The following NCAM1 variants were observed in gnomAD, a reference collection of about 807,000 sequenced individuals.
NCAM1 encodes neural cell adhesion molecule 1, also known as antigen recognized by monoclonal antibody 5.1H11.
In NCAM1, 14 loss-of-function variants were observed where a neutral mutation model predicts 109.8. The ratio of observed to expected loss-of-function variants is 0.13; its 90% confidence interval spans 0.08 to 0.20. NCAM1 has a LOEUF of 0.20. Among genes scored for constraint, NCAM1 ranks in the 10% least tolerant of loss-of-function variants. The pLI, the probability that NCAM1 is intolerant of heterozygous loss-of-function variation, is 1.00. For synonymous variants in NCAM1, 418 were observed against 442.9 expected (o/e 0.94, Z 0.70); for missense variants, 774 against 1,109.9 (o/e 0.70, Z 4.30).
chr11:113,195,455 CCACA>C (rs10642528), intron 1 of NCAM1, among the ~76,000 whole-genome samples: 72 of 141,570 alleles, frequency 5.1e-4, no homozygotes, highest in African/African-American at 1.4e-3. Flanking sequence ...TAAATACACA[CCACA>C]CACACACACA....
At chr11:113,078,303 C>A (rs80263692) in intron 1 of NCAM1, among the ~76,000 whole-genome samples, 1 of 152,052 alleles carries the variant, frequency 6.6e-6, no homozygotes, top group African/African-American at 2.4e-5. Flanking sequence ...TTTAAGGACA[C>A]GAGTCATTGG....
chr11:112,961,478 T>C lies in NCAM1; in HGVS notation c.-135T>C, dbSNP rs1950552093. Reference sequence around the variant, plus strand: ...GGCTGCCGCTGGCAGGAAACAATTCTGCAAAAATAATCATACTCAGCCTGG... The same window carrying C: ...GGCTGCCGCTGGCAGGAAACAATTCCGCAAAAATAATCATACTCAGCCTGG... On this transcript the variant is annotated 5_prime_UTR_variant, in exon 1 of 20. Transcript: ENST00000316851. The C allele has an allele frequency of 1.3e-6, 1 of 789,392 alleles. No homozygotes were observed. Among genetic ancestry groups the C allele is most frequent in the Non-Finnish European group, 2.3e-6 (1 of 427,448 alleles). 48.9% of individuals were successfully genotyped at this position (789,392 alleles called of 1,614,324 possible).
At chr11:113,084,012 A>G (rs1261052181) in intron 1 of NCAM1, among the ~76,000 whole-genome samples, 1 of 152,246 alleles carries the variant, frequency 6.6e-6, no homozygotes, top group Non-Finnish European at 1.5e-5. Flanking sequence ...CTCCAAGTCA[A>G]GGAAATACAT....
chr11:113,088,835 T>C (rs1353615015), intron 1 of NCAM1, among the ~76,000 whole-genome samples: 1 of 152,230 alleles, frequency 6.6e-6, no homozygotes, highest in African/African-American at 2.4e-5. Flanking sequence ...AAGTAGATTA[T>C]ATCTTTAGTG....
At chr11:113,042,592 C>T (rs1757125012) in intron 1 of NCAM1, among the ~76,000 whole-genome samples, 1 of 152,206 alleles carries the variant, frequency 6.6e-6, no homozygotes, top group South Asian at 2.1e-4. Context: ...TGCACTGCAG[C>T]CCACACTTCC....
At chr11:113,201,840 C>T (rs1460174172) in intron 1 of NCAM1, among the ~76,000 whole-genome samples, 1 of 152,298 alleles carries the variant, frequency 6.6e-6, no homozygotes, top group East Asian at 1.9e-4. Context: ...CCCTTACCAT[C>T]CCCACTTCAA....
intron 1 of NCAM1, among the ~76,000 whole-genome samples, chr11:113,121,078 A>G (rs1555095930): frequency 6.6e-6 from 1 of 152,122 alleles, no homozygotes. Flanking sequence ...TTAGGGGTCC[A>G]GTTTCTGGGT....
chr11:113,059,839 A>G (rs782340147), intron 1 of NCAM1, among the ~76,000 whole-genome samples: 1 of 152,156 alleles, frequency 6.6e-6, no homozygotes, highest in Non-Finnish European at 1.5e-5. Context: ...ATGGAGAAAA[A>G]GCTTGATTTT....
chr11:112,972,475 A>G (rs988193559), intron 1 of NCAM1, among the ~76,000 whole-genome samples: 27 of 152,172 alleles, frequency 1.8e-4, no homozygotes, highest in African/African-American at 7.2e-5. Flanking sequence ...AGCCTAGGTT[A>G]GAAAAGTATA....
intron 1 of NCAM1, among the ~76,000 whole-genome samples, chr11:113,023,373 T>A (rs1410490836): frequency 6.6e-6 from 1 of 152,220 alleles, no homozygotes; most frequent in Admixed American, 6.5e-5. Context: ...AATGATTAAA[T>A]GCCAGCTCCG....
chr11:113,127,393 G>A (rs1555097346), intron 1 of NCAM1, among the ~76,000 whole-genome samples: 1 of 152,162 alleles, frequency 6.6e-6, no homozygotes, highest in Admixed American at 6.6e-5. Context: ...ACTGTTTCAG[G>A]AGTTACCAGT....
At chr11:113,086,917 C>A (rs1477354577) in intron 1 of NCAM1, among the ~76,000 whole-genome samples, 5 of 152,182 alleles carry the variant, frequency 3.3e-5, no homozygotes, top group Admixed American at 6.5e-5. Flanking sequence ...TGAATAACTT[C>A]TCTTCAGTTT....
intron 2 of NCAM1, among the ~76,000 whole-genome samples, chr11:113,202,806 C>T (rs2136900049): frequency 6.6e-6 from 1 of 152,342 alleles, no homozygotes. Context: ...ACAGCACTGG[C>T]TCAGAAACAA....
Position 113,029,332 on chromosome 11 carries a change from G to T in NCAM1, c.52+67668G>T, listed in dbSNP as rs1952648318. On this transcript the variant is annotated intron_variant, in intron 1 of 19. Coordinates refer to ENST00000316851, the MANE Select transcript of NCAM1 (RefSeq NM_181351.5). ...CCATTGAATGAATACACGCAATGGG[G>T]TTAAGAAGTCAAATAGTTTAACAGA... Among the ~76,000 whole-genome samples the T allele has an allele frequency of 1.3e-5, 2 of 152,188 alleles. 1 individual carries two copies. The highest frequency in any genetic ancestry group is 4.1e-4 in the South Asian group (2 of 4,822).
At chr11:113,224,832 T>C (rs1169539142) in intron 9 of NCAM1, among the ~76,000 whole-genome samples, 1 of 152,150 alleles carries the variant, frequency 6.6e-6, no homozygotes, top group African/African-American at 2.4e-5. Context: ...GGGTCTGGAG[T>C]TGAGCTCTGG....
chr11:113,236,208 A>C, intron 14 of NCAM1: 1,679 of 1,134,820 alleles, frequency 1.5e-3, no homozygotes, highest in Non-Finnish European at 2.0e-3. Flanking sequence ...TGCTCTGCGG[A>C]TTCTATTCAT....
intron 1 of NCAM1, among the ~76,000 whole-genome samples, chr11:113,032,420 A>G (rs1952749971): frequency 6.6e-6 from 1 of 152,120 alleles, no homozygotes; most frequent in African/African-American, 2.4e-5. Context: ...AGGCACCTCT[A>G]TCCCCCAGCC....
chr11:113,091,505 A>T (rs1374030958), intron 1 of NCAM1, among the ~76,000 whole-genome samples: 2 of 152,212 alleles, frequency 1.3e-5, no homozygotes, highest in Non-Finnish European at 2.9e-5. Flanking sequence ...AGAGGGTAAG[A>T]AGGCTAGGAT....
chr11:113,222,680 A>G (rs530514366), intron 9 of NCAM1, among the ~76,000 whole-genome samples: 82 of 152,280 alleles, frequency 5.4e-4, no homozygotes, highest in African/African-American at 1.9e-3. Flanking sequence ...TTGGCCTCAT[A>G]CAACTTTCCT....
Sources: allele counts gnomAD v4.1 joint callset (sites outside exome capture counted in the v4.1 genomes callset), GRCh38; gene constraint gnomAD v4.1.1; transcripts MANE v1.5; gene names NCBI Gene and HGNC (gene_info 2026-07-23, HGNC 2026-07-21).